The following TMEM44 variants were observed in gnomAD, a reference collection of about 807,000 sequenced individuals.
TMEM44 encodes transmembrane protein 44.
Under a neutral mutation model 47.8 loss-of-function variants are expected in TMEM44, and 43 were observed. The observed-to-expected ratio is 0.90, with a 90% confidence interval of 0.70 to 1.16. The LOEUF (loss-of-function observed/expected upper bound fraction) is 1.16, where lower values mean the gene tolerates loss of function less well. TMEM44 is among the 50% of genes most tolerant of loss of function. The pLI is 0.00. For synonymous variants in TMEM44, 277 were observed against 238.8 expected (o/e 1.16, Z -1.48); for missense variants, 568 against 555.2 (o/e 1.02, Z -0.23).
At chr3:194,601,359 C>T (rs1714094070) in intron 9 of TMEM44, among the ~76,000 whole-genome samples, 1 of 149,710 alleles carries the variant, frequency 6.7e-6, no homozygotes, top group South Asian at 2.1e-4. Flanking sequence ...GGCTGGAGTG[C>T]AATGGCATGA....
intron 1 of TMEM44, among the ~76,000 whole-genome samples, chr3:194,629,409 C>T (rs1343119223): frequency 6.6e-6 from 1 of 152,248 alleles, no homozygotes; most frequent in Non-Finnish European, 1.5e-5. Context: ...ACAGCCCCTC[C>T]CCAGTCCATA....
intron 5 of TMEM44, among the ~76,000 whole-genome samples, chr3:194,621,480 C>T (rs1052552870): frequency 6.6e-6 from 1 of 152,214 alleles, no homozygotes; most frequent in Non-Finnish European, 1.5e-5. Flanking sequence ...CCAGCTCTGA[C>T]ACCACCCTGG....
Position 194,596,519 on chromosome 3 carries a change from C to T in TMEM44, c.1176+7768G>A, listed in dbSNP as rs939253103. 9.9e-5 allele frequency among the ~76,000 whole-genome samples: 15 copies of T among 152,170 alleles called. 1 individual carries two copies. The South Asian group carries it at 2.3e-3, about 23-fold the overall frequency. ...GTAAGAAGTGACTCAGTGCTGGGTG[C>T]GGCGGCTCACACCTGTAATCCCAGC... On this transcript the variant is annotated intron_variant, in intron 9 of 9. Transcript: ENST00000347147.
chr3:194,593,384 A>G (rs547130097), intron 9 of TMEM44, among the ~76,000 whole-genome samples: 1 of 152,232 alleles, frequency 6.6e-6, no homozygotes, highest in South Asian at 2.1e-4. Context: ...TAGGAGGAGT[A>G]GCAGTAATAA....
intron 9 of TMEM44, among the ~76,000 whole-genome samples, chr3:194,594,143 C>T (rs565243993): frequency 6.7e-6 from 1 of 150,212 alleles, no homozygotes; most frequent in African/African-American, 2.4e-5. Flanking sequence ...ATCTATCTAT[C>T]TATCTATCTA....
intron 3 of TMEM44, among the ~76,000 whole-genome samples, 154 bp downstream of exon 3, chr3:194,625,743 G>C (rs1717096666): frequency 6.6e-6 from 1 of 152,236 alleles, no homozygotes; most frequent in Non-Finnish European, 1.5e-5. Flanking sequence ...GCCTCCCAAA[G>C]TGCTGGGATT....
chr3:194,603,060 G>A (rs534527666), intron 9 of TMEM44, among the ~76,000 whole-genome samples: 16 of 152,320 alleles, frequency 1.1e-4, no homozygotes, highest in Middle Eastern at 3.4e-3. Context: ...GCTGGCAATT[G>A]TCTACTGACA....
chr3:194,602,355 A>C (rs1299323439), intron 9 of TMEM44, among the ~76,000 whole-genome samples: 1 of 152,200 alleles, frequency 6.6e-6, no homozygotes, highest in Non-Finnish European at 1.5e-5. Flanking sequence ...TAATCCCAGC[A>C]CTTTGGGAGG....
At chr3:194,589,746 C>T (rs1400828560) in intron 9 of TMEM44, 1 of 152,000 alleles carries the variant, frequency 6.6e-6, no homozygotes, top group Non-Finnish European at 1.5e-5. Flanking sequence ...GGATTAGAGC[C>T]CAAGGGGATC....
At chr3:194,625,374 A>T (rs1486343203) in intron 3 of TMEM44, among the ~76,000 whole-genome samples, 1 of 143,834 alleles carries the variant, frequency 7.0e-6, no homozygotes, top group Non-Finnish European at 1.5e-5. Context: ...CTGGCTGCCC[A>T]CAGTGTGCAC....
intron 8 of TMEM44, among the ~76,000 whole-genome samples, chr3:194,608,333 G>A (rs1414205279): frequency 1.3e-5 from 2 of 152,212 alleles, no homozygotes; most frequent in African/African-American, 2.4e-5. Context: ...TCCGGGCACC[G>A]GTGTGTCTGG....
intron 5 of TMEM44, among the ~76,000 whole-genome samples, chr3:194,620,959 G>A (rs904235081): frequency 6.6e-6 from 1 of 150,692 alleles, no homozygotes; most frequent in African/African-American, 2.4e-5. Flanking sequence ...CCGGGAGGCA[G>A]AGGTTGCAGT....
At chr3:194,592,126 G>A (rs1372436702) in intron 9 of TMEM44, among the ~76,000 whole-genome samples, 3 of 151,692 alleles carry the variant, frequency 2.0e-5, no homozygotes, top group Non-Finnish European at 4.4e-5. Flanking sequence ...GCTGAGGCAG[G>A]AGAATGGCAT....
rs752383758 is a variant in TMEM44 at position 194,623,299 on chromosome 3, C to A, written c.537G>T (p.Glu179Asp). Residue 179 changes from glutamate to aspartate, a missense_variant, in exon 5 of 10, where the codon GAG (glutamate) becomes GAT (aspartate). Coordinates refer to ENST00000347147, the MANE Select transcript of TMEM44 (RefSeq NM_001011655.3). ...CGCTACCCAGCAGGTAGCCGAGGAT[C>A]TCAGTATTTTCCTGCAAGAACGAAC... ...LLASLLQENT[E>D]ILGYLLGSVA... is the part of the protein sequence containing the mutation. 2 of 1,607,962 alleles carry A rather than the reference C, an allele frequency of 1.2e-6. No individual in the cohort carries two copies. The highest frequency in any genetic ancestry group is 1.7e-6 in the Non-Finnish European group (2 of 1,177,146).
chr3:194,632,887 A>G (rs561690446), intron 1 of TMEM44, 192 bp downstream of exon 1: 29 of 1,001,650 alleles, frequency 2.9e-5, no homozygotes, highest in East Asian at 2.0e-4. Context: ...CTCACAGCCC[A>G]GCTTCCCTGT....
chr3:194,604,391 C>A lies in TMEM44; in HGVS notation c.1072G>T (p.Ala358Ser). The A allele has an allele frequency of 4.5e-6, 7 of 1,547,870 alleles. No homozygotes were observed. Among genetic ancestry groups the A allele is most frequent in the Non-Finnish European group, 5.2e-6 (6 of 1,144,152 alleles). ...TACGACGGGGGGTCCTGCAGGGACGCATCTCCGGCGCTCGTCTGCCCGTCA... is the reference window on the plus strand; with the variant it reads ...TACGACGGGGGGTCCTGCAGGGACGAATCTCCGGCGCTCGTCTGCCCGTCA... ...PGDGQTSAGD[A>S]SLQDPPSYPP... The change falls in exon 9 of 10, where the codon GCG (alanine) becomes TCG (serine). Residue 358 changes from alanine (A) to serine (S), a missense_variant. Coordinates refer to ENST00000347147, the MANE Select transcript of TMEM44 (RefSeq NM_001011655.3).
At chr3:194,597,964 T>C (rs80303955) in intron 9 of TMEM44, among the ~76,000 whole-genome samples, 14,941 of 152,228 alleles carry the variant, frequency 0.098, 819 homozygotes, top group South Asian at 0.21. Context: ...CAGGAATCTT[T>C]ATTCAACATC....
intron 7 of TMEM44, among the ~76,000 whole-genome samples, chr3:194,612,624 A>G: frequency 6.6e-6 from 1 of 151,966 alleles, no homozygotes; most frequent in East Asian, 1.9e-4. Flanking sequence ...TTCCAAAAAA[A>G]AAAAAAAATT....
rs770563140 is a variant in TMEM44, at chr3:194,617,163, T to C, written c.719A>G (p.Glu240Gly). 4.5e-6 allele frequency: 7 copies of C among 1,557,924 alleles called. No individual in the cohort carries two copies. The Admixed American group carries it at 7.7e-5, about 17-fold the overall frequency. Reference sequence around the variant, plus strand: ...CCAGGGTGTGGCCCGCAGCAGGTACTCAGGGTGCTGGTCGTGGGCCACAAT... The same window carrying C: ...CCAGGGTGTGGCCCGCAGCAGGTACCCAGGGTGCTGGTCGTGGGCCACAAT... ...SAIVAHDQHPEYLLRATPWFL... is the reference protein window; with the variant it reads ...SAIVAHDQHPGYLLRATPWFL... The change falls in exon 6 of 10, where the codon GAG becomes GGG. Residue 240 changes from glutamate (E) to glycine (G), a missense_variant. Physicochemically the swap from Glu to Gly is moderately conservative, Grantham distance 98 (BLOSUM62 -2). Coordinates refer to ENST00000347147, the MANE Select transcript of TMEM44 (RefSeq NM_001011655.3).
Sources: gnomAD v4.1 joint callset for allele counts (sites outside exome capture counted in the v4.1 genomes callset) on GRCh38, gnomAD v4.1.1 for gene constraint, MANE v1.5 for transcripts, NCBI Gene and HGNC (gene_info 2026-07-23, HGNC 2026-07-21) for gene names.